NAALADL2: variants seen among roughly 807,000 people sequenced by gnomAD.
NAALADL2 encodes inactive N-acetylated-alpha-linked acidic dipeptidase-like protein 2.
Under a neutral mutation model 87.2 loss-of-function variants are expected in NAALADL2, and 76 were observed. That is an observed-to-expected ratio of 0.87 (90% CI 0.72 to 1.05). The LOEUF is 1.05. NAALADL2 is among the 50% of genes least tolerant of loss of function. The pLI, the probability that NAALADL2 is intolerant of heterozygous loss-of-function variation, is 0.00. For missense variants in NAALADL2, 1,089 were observed against 945.8 expected (o/e 1.15, Z -1.99); for synonymous variants, 354 against 331.0 (o/e 1.07, Z -0.75).
rs192676367 is a variant in NAALADL2, at chr3:175,698,337, A to T, written c.1897-38969A>T. Among the ~76,000 whole-genome samples the T allele has an allele frequency of 6.9e-4, 69 of 100,118 alleles. 9 individuals carry two copies. Among genetic ancestry groups the T allele is most frequent in the Middle Eastern group, 7.2e-3 (1 of 138 alleles). The allele number at this position is 100,118 out of a possible 152,430, so 65.7% of individuals were successfully genotyped here. On this transcript the variant is annotated intron_variant, in intron 11 of 13. Coordinates refer to ENST00000454872, the MANE Select transcript of NAALADL2 (RefSeq NM_207015.3). ...TGTATGTGTATTTATGTATGTGTAT[A>T]TATGTATGTGTATTTATGTATGTGT... is the stretch of plus-strand genomic sequence containing the variant.
intron 1 of NAALADL2, among the ~76,000 whole-genome samples, chr3:174,992,638 T>C (rs1579911821): frequency 6.6e-6 from 1 of 152,104 alleles, no homozygotes; most frequent in African/African-American, 2.4e-5. Flanking sequence ...TTCATCAGTT[T>C]TCTAATGACC....
intron 2 of NAALADL2, among the ~76,000 whole-genome samples, chr3:175,230,548 T>G (rs1744797042): frequency 6.6e-6 from 1 of 151,890 alleles, no homozygotes; most frequent in Admixed American, 6.6e-5. Context: ...AAGATGCAAA[T>G]TAAAACCACA....
At chr3:175,174,497 A>G (rs62283047) in intron 2 of NAALADL2, among the ~76,000 whole-genome samples, 53,215 of 151,954 alleles carry the variant, frequency 0.35, 10,812 homozygotes, top group East Asian at 0.56. Flanking sequence ...GAACATGAAA[A>G]TGAAAAAAAT....
At chr3:175,317,035 T>G (rs1581391590) in intron 4 of NAALADL2, among the ~76,000 whole-genome samples, 1 of 152,266 alleles carries the variant, frequency 6.6e-6, no homozygotes, top group Admixed American at 6.5e-5. Flanking sequence ...AAATCACATA[T>G]TGGGCTGTAT....
intron 5 of NAALADL2, among the ~76,000 whole-genome samples, chr3:175,385,422 T>A (rs1768257723): frequency 6.6e-6 from 1 of 152,108 alleles, no homozygotes; most frequent in South Asian, 2.1e-4. Context: ...TACATATTTA[T>A]GTGCTGTCGG....
intron 3 of NAALADL2, among the ~76,000 whole-genome samples, chr3:174,744,465 C>T (rs1348179246): frequency 6.6e-6 from 1 of 152,010 alleles, no homozygotes; most frequent in Non-Finnish European, 1.5e-5. Flanking sequence ...TCTTAGAGAC[C>T]TACAAAGAGA....
chr3:174,978,147 C>A (rs1579828011), intron 1 of NAALADL2, among the ~76,000 whole-genome samples: 1 of 152,108 alleles, frequency 6.6e-6, no homozygotes, highest in Admixed American at 6.5e-5. Flanking sequence ...AGATTCTAAC[C>A]AGGAAGTTTG....
rs1436428114 is a variant in NAALADL2, at chr3:175,565,829, C to T, written c.1654-10212C>T. ...CAAACAAAAAACAAAAGCCCCCCCC[C>T]TTTTTTTTTTTTTTTTTTGAGATGG... On this transcript the variant is annotated intron_variant, in intron 9 of 13. Coordinates refer to ENST00000454872, the MANE Select transcript of NAALADL2 (RefSeq NM_207015.3). Among the ~76,000 whole-genome samples the T allele has an allele frequency of 1.4e-3, 165 of 114,844 alleles. 2 individuals carry two copies. Among genetic ancestry groups the T allele is most frequent in the African/African-American group, 4.9e-3 (147 of 29,844 alleles). The allele number at this position is 114,844 out of a possible 152,430, so 75.3% of individuals were successfully genotyped here.
At chr3:175,629,090 A>G (rs1411975909) in intron 11 of NAALADL2, among the ~76,000 whole-genome samples, 1 of 149,814 alleles carries the variant, frequency 6.7e-6, no homozygotes, top group African/African-American at 2.4e-5. Flanking sequence ...TTAGTATTCA[A>G]AATCTTAGCT....
intron 4 of NAALADL2, among the ~76,000 whole-genome samples, chr3:175,269,320 T>A (rs1752449974): frequency 6.6e-6 from 1 of 152,140 alleles, no homozygotes; most frequent in Non-Finnish European, 1.5e-5. Flanking sequence ...CACAAACCAC[T>A]AATATAGTTG....
intron 1 of NAALADL2, among the ~76,000 whole-genome samples, chr3:174,901,115 A>C (rs774631414): frequency 8.5e-5 from 13 of 152,282 alleles, no homozygotes; most frequent in Non-Finnish European, 1.8e-4. Context: ...CATGCTTGTC[A>C]CATGTCTAGG....
At chr3:175,412,629 G>T (rs1452231152) in intron 5 of NAALADL2, among the ~76,000 whole-genome samples, 2 of 151,932 alleles carry the variant, frequency 1.3e-5, no homozygotes, top group African/African-American at 2.4e-5. Context: ...TACCCAGATG[G>T]TGTTTTGAAC....
At chr3:175,165,250 T>C (rs1407832973) in intron 2 of NAALADL2, among the ~76,000 whole-genome samples, 2 of 152,156 alleles carry the variant, frequency 1.3e-5, no homozygotes, top group Non-Finnish European at 2.9e-5. Flanking sequence ...TTAAAGTTAG[T>C]CTTATTTACT....
chr3:175,464,296 A>T (rs1288120642), intron 7 of NAALADL2, among the ~76,000 whole-genome samples: 1 of 151,902 alleles, frequency 6.6e-6, no homozygotes, highest in Non-Finnish European at 1.5e-5. Context: ...TGCTTATGAA[A>T]ATGGTCACCT....
At chr3:174,670,593 A>G (rs1344020024) in intron 2 of NAALADL2, among the ~76,000 whole-genome samples, 2 of 152,110 alleles carry the variant, frequency 1.3e-5, no homozygotes, top group Non-Finnish European at 2.9e-5. Context: ...AGGCAAGACA[A>G]TATTTCTATT....
At chr3:175,469,647 C>T (rs186708512) in intron 8 of NAALADL2, among the ~76,000 whole-genome samples, 3 of 151,960 alleles carry the variant, frequency 2.0e-5, no homozygotes, top group Non-Finnish European at 2.9e-5. Context: ...GAAGAATCCT[C>T]GTTTGTCAGA....
intron 5 of NAALADL2, among the ~76,000 whole-genome samples, chr3:175,423,864 T>G: frequency 6.6e-6 from 1 of 152,322 alleles, no homozygotes; most frequent in South Asian, 2.1e-4. Flanking sequence ...ATGGTTGAAC[T>G]AGTTTACAGT....
intron 2 of NAALADL2, among the ~76,000 whole-genome samples, chr3:175,170,864 G>A (rs557372294): frequency 4.0e-5 from 6 of 151,836 alleles, no homozygotes; most frequent in Admixed American, 1.3e-4. Flanking sequence ...ATACAAAATT[G>A]TATATTCAGT....
In NAALADL2 at chr3:175,209,066, G is replaced by A. The variant is rs140808253; in HGVS notation, c.546-24865G>A. Among the ~76,000 whole-genome samples, 632 of 152,172 alleles carry A rather than the reference G, an allele frequency of 4.2e-3. 1 individual carries two copies. The highest frequency in any genetic ancestry group is 0.014 in the African/African-American group (602 of 41,544). ...AAGCTTTGTTTAATTGAAAGGGAGC[G>A]TTTGTTTCTGTGAATGTTTGATCTC... On this transcript the variant is annotated intron_variant, in intron 2 of 13. Coordinates refer to ENST00000454872, the MANE Select transcript of NAALADL2 (RefSeq NM_207015.3).
Sources: gnomAD v4.1 joint callset for allele counts (sites outside exome capture counted in the v4.1 genomes callset) on GRCh38, gnomAD v4.1.1 for gene constraint, MANE v1.5 for transcripts, NCBI Gene and HGNC (gene_info 2026-07-23, HGNC 2026-07-21) for gene names.